SLC6A13: variants seen among roughly 807,000 people sequenced by gnomAD.
SLC6A13 encodes sodium- and chloride-dependent GABA transporter 2.
Under a neutral mutation model 72.9 loss-of-function variants are expected in SLC6A13, and 69 were observed. The observed-to-expected ratio is 0.95, with a 90% CI of 0.78 to 1.16. The LOEUF is 1.16. SLC6A13 is among the 50% of genes most tolerant of loss of function. The probability of loss-of-function intolerance (pLI) is 0.00; values close to 1 mark genes in which losing one functional copy is unlikely to be tolerated. For missense variants in SLC6A13, 735 were observed against 760.5 expected (o/e 0.97, Z 0.39); for synonymous variants, 303 against 303.0 (o/e 1.00, Z 0.00).
At chr12:250,843 A>AAAAAAAC (rs1942510511) in intron 2 of SLC6A13, among the ~76,000 whole-genome samples, 2 of 150,668 alleles carry the variant, frequency 1.3e-5, no homozygotes, top group African/African-American at 4.9e-5. Flanking sequence ...CAAAAAAAAA[A>AAAAAAAC]AAAAAAAAAC....
chr12:241,566 G>A lies in SLC6A13; in HGVS notation c.478+1048C>T, dbSNP rs571001346. Reference sequence around the variant, plus strand: ...CCTCAGACCACTTGCCACATTTCAGGTGCTCAATAACCACACATAGGAGTC... The same window carrying A: ...CCTCAGACCACTTGCCACATTTCAGATGCTCAATAACCACACATAGGAGTC... On this transcript the variant is annotated intron_variant, in intron 4 of 14. Coordinates refer to ENST00000343164, the MANE Select transcript of SLC6A13 (RefSeq NM_016615.5). Among the ~76,000 whole-genome samples the A allele has an allele frequency of 7.5e-4, 115 of 152,348 alleles. 2 individuals are homozygous for A. The highest frequency in any genetic ancestry group is 1.5e-4 in the Non-Finnish European group (10 of 68,038).
chr12:240,940 C>T (rs543584789), intron 4 of SLC6A13, among the ~76,000 whole-genome samples: 1 of 152,288 alleles, frequency 6.6e-6, no homozygotes, highest in Non-Finnish European at 1.5e-5. Flanking sequence ...GAATATCATC[C>T]TAACCGTGCA....
chr12:233,069 T>C (rs1283955277), intron 7 of SLC6A13, among the ~76,000 whole-genome samples: 1 of 152,220 alleles, frequency 6.6e-6, no homozygotes, highest in Non-Finnish European at 1.5e-5. Flanking sequence ...CAGTGTGTCT[T>C]CCACGTGCTG....
In SLC6A13 at chr12:224,083, G is replaced by C. The variant is rs774390146; in HGVS notation, c.1220C>G (p.Pro407Arg). The C allele has an allele frequency of 5.0e-6, 8 of 1,614,076 alleles. No homozygotes were observed. Among genetic ancestry groups the C allele is most frequent in the Non-Finnish European group, 6.8e-6 (8 of 1,180,026 alleles). ...CCGGTTCTTCTTGCGGAACACGTGA[G>C]GGTACATGTCCACCAGCGCTGTCAC... ...SLVTALVDMY[P>R]HVFRKKNRRE... Residue 407 changes from proline to arginine, a missense_variant, in exon 11 of 15, where the codon CCT becomes CGT. Transcript: ENST00000343164.
chr12:229,006 G>A (rs1428552318), intron 7 of SLC6A13, among the ~76,000 whole-genome samples: 1 of 152,166 alleles, frequency 6.6e-6, no homozygotes, highest in Non-Finnish European at 1.5e-5. Flanking sequence ...GACAGAGCAA[G>A]GAAGACGGTG....
rs1217517337 is a variant in SLC6A13 at position 243,761 on chromosome 12, G to A, written c.255C>T (p.Val85=). 1.2e-6 allele frequency: 2 copies of A among 1,614,180 alleles called. No homozygotes were observed. The highest frequency in any genetic ancestry group is 1.7e-6 in the Non-Finnish European group (2 of 1,179,982). Reference sequence around the variant, plus strand: ...GGCCTAGTGCTGTCTCCAGAAGGAAGACAGGAATGCCACAGGTAAAGAGGA... The same window carrying A: ...GGCCTAGTGCTGTCTCCAGAAGGAAAACAGGAATGCCACAGGTAAAGAGGA... ...LVFLFTCGIP[V]FLLETALGQY... is the part of the protein sequence containing the mutation. The change falls in exon 3 of 15, where the codon GTC becomes GTT. Residue 85 remains valine (V), a synonymous_variant. Coordinates refer to ENST00000343164, the MANE Select transcript of SLC6A13 (RefSeq NM_016615.5).
chr12:243,779 A>T lies in SLC6A13; in HGVS notation c.237T>A (p.Phe79Leu). ...AFFIPYLVFL[F>L]TCGIPVFLLE... ...GAAGGAAGACAGGAATGCCACAGGT[A>T]AAGAGGAAGACGAGGTAGGGGATGA... is the stretch of plus-strand genomic sequence containing the variant. The change falls in exon 3 of 15, where the codon TTT (phenylalanine) becomes TTA (leucine). Residue 79 changes from phenylalanine to leucine, a missense_variant. Coordinates refer to ENST00000343164, the MANE Select transcript of SLC6A13 (RefSeq NM_016615.5). 6.2e-7 allele frequency: 1 copy of T among 1,614,194 alleles called. No homozygotes were observed. Among genetic ancestry groups the T allele is most frequent in the Non-Finnish European group, 8.5e-7 (1 of 1,180,012 alleles).
rs55984309 is a variant in SLC6A13 at position 226,637 on chromosome 12, G to A, written c.936-123C>T. 1.5e-3 allele frequency: 1,802 copies of A among 1,242,514 alleles called. 3 individuals are homozygous for A. Among genetic ancestry groups the A allele is most frequent in the Middle Eastern group, 3.5e-3 (12 of 3,466 alleles). The allele number at this position is 1,242,514 out of a possible 1,614,324, so 77.0% of individuals were successfully genotyped here. A position where few individuals can be genotyped will look rare whatever the true frequency, so the allele number is the denominator to read the frequency against. On this transcript the variant is annotated intron_variant, in intron 8 of 14. Coordinates refer to ENST00000343164, the MANE Select transcript of SLC6A13 (RefSeq NM_016615.5). ...ACACTGTCCTGGCCCCTTCACGGAC[G>A]CCGGAGCAGGGCTACCTGGCAGAAT...
intron 1 of SLC6A13, among the ~76,000 whole-genome samples, chr12:262,280 C>T (rs573761074): frequency 6.0e-4 from 91 of 152,290 alleles, no homozygotes; most frequent in African/African-American, 2.0e-3. Context: ...CAGGTTCAAA[C>T]ATTAGTTTTT....
intron 2 of SLC6A13, among the ~76,000 whole-genome samples, chr12:249,262 G>A (rs1327041762): frequency 6.6e-6 from 1 of 151,546 alleles, no homozygotes; most frequent in Non-Finnish European, 1.5e-5. Flanking sequence ...GAAATGAGAA[G>A]GATAAGAGCA....
chr12:247,988 G>A (rs1942411321), intron 2 of SLC6A13, among the ~76,000 whole-genome samples: 2 of 151,236 alleles, frequency 1.3e-5, no homozygotes, highest in African/African-American at 4.9e-5. Flanking sequence ...AAAGAAGAAA[G>A]CTAACAATGG....
At chr12:251,867 G>C (rs990582658) in intron 2 of SLC6A13, among the ~76,000 whole-genome samples, 1 of 152,164 alleles carries the variant, frequency 6.6e-6, no homozygotes, top group Admixed American at 6.5e-5. Context: ...GGAGGCTGTG[G>C]TGGGAAGATC....
At chr12:248,687 A>G (rs554701243) in intron 2 of SLC6A13, among the ~76,000 whole-genome samples, 149 of 152,340 alleles carry the variant, frequency 9.8e-4, no homozygotes, top group Non-Finnish European at 1.1e-3. Context: ...ATAAATGTTA[A>G]AAACGTTAAT....
intron 2 of SLC6A13, among the ~76,000 whole-genome samples, chr12:247,094 G>A (rs1408041999): frequency 1.3e-5 from 2 of 151,172 alleles, no homozygotes; most frequent in Non-Finnish European, 2.9e-5. Flanking sequence ...TAAGTGGTGA[G>A]ACAGCTTCAA....
chr12:253,758 G>A (rs1942640817), intron 2 of SLC6A13: 1 of 152,342 alleles, frequency 6.6e-6, no homozygotes, highest in Non-Finnish European at 1.5e-5. Context: ...CTAGGTATGG[G>A]AAGACTGAGG....
rs778140602 is a variant in SLC6A13, at chr12:254,424, T to C, written c.202+5427A>G. Among the ~76,000 whole-genome samples the C allele has an allele frequency of 1.3e-5, 2 of 152,184 alleles. No individual in the cohort carries two copies. Among genetic ancestry groups the C allele is most frequent in the African/African-American group, 2.4e-5 (1 of 41,432 alleles). ...TTCAATCAGTCATTGTCCCCAGCCC[T>C]CCACTGTAACCGCTCTTATCATCAA... On this transcript the variant is annotated intron_variant, in intron 2 of 14. Transcript: ENST00000343164. The surrounding 1 kb of genome is among the most constrained non-coding windows in gnomAD (Gnocchi z 4.4).
intron 1 of SLC6A13, among the ~76,000 whole-genome samples, chr12:260,658 A>G (rs1942896462): frequency 6.6e-6 from 1 of 151,312 alleles, no homozygotes; most frequent in African/African-American, 2.5e-5. Context: ...GGACTACTAT[A>G]TATAATCATT....
At chr12:258,712 G>A (rs1198600620) in intron 2 of SLC6A13, among the ~76,000 whole-genome samples, 1 of 152,228 alleles carries the variant, frequency 6.6e-6, no homozygotes, top group Non-Finnish European at 1.5e-5. Flanking sequence ...CTGTGGGTTA[G>A]TGGTTGCAAA....
chr12:238,355 A>G (rs1034180303), intron 4 of SLC6A13: 4 of 1,314,404 alleles, frequency 3.0e-6, no homozygotes, highest in Non-Finnish European at 4.0e-6. Flanking sequence ...TTCGAGGAAT[A>G]ATAAGAGGGA....
Sources: allele counts gnomAD v4.1 joint callset (sites outside exome capture counted in the v4.1 genomes callset), GRCh38; gene constraint gnomAD v4.1.1; non-coding constraint Gnocchi (gnomAD v3.1); transcripts MANE v1.5; gene names NCBI Gene and HGNC (gene_info 2026-07-23, HGNC 2026-07-21).